SEC63: variants seen among roughly 807,000 people sequenced by gnomAD.
SEC63 encodes the protein SEC63 protein translocation regulator.
Under a neutral mutation model 116.2 loss-of-function variants are expected in SEC63, and 56 were observed. That is an observed-to-expected ratio of 0.48 (90% CI 0.39 to 0.60). The LOEUF (loss-of-function observed/expected upper bound fraction) is 0.60, where lower values mean the gene tolerates loss of function less well. Among genes scored for constraint, SEC63 ranks in the 20% least tolerant of loss-of-function variants. The pLI, the probability that SEC63 is intolerant of heterozygous loss-of-function variation, is 0.00. For synonymous variants in SEC63, 273 were observed against 294.6 expected, an observed-to-expected ratio of 0.93 and a Z score of 0.75; for missense variants, 668 against 900.0, an observed-to-expected ratio of 0.74 and a Z score of 3.30.
chr6:107,932,924 T>C (rs1243389762), intron 1 of SEC63, among the ~76,000 whole-genome samples: 1 of 151,498 alleles, frequency 6.6e-6, no homozygotes, highest in African/African-American at 2.4e-5. Context: ...TGAATAACTG[T>C]CCCCCAAGAT....
At chr6:107,921,937 GCTTT>G (rs1787567942) in intron 3 of SEC63, 28 bp from the exon 4 acceptor site, 3 of 1,295,040 alleles carry the variant, frequency 2.3e-6, no homozygotes, top group African/African-American at 1.5e-5. Flanking sequence ...AAAAAAACAA[GCTTT>G]CTGTTAGCAA....
intron 6 of SEC63, 113 bp from the exon 7 acceptor site, chr6:107,911,509 G>A: frequency 1.4e-6 from 1 of 739,364 alleles, no homozygotes; most frequent in Admixed American, 2.0e-5. Context: ...GATTCCTCAT[G>A]TATTATCTTG....
chr6:107,878,902 A>G (rs1048867163), intron 18 of SEC63, among the ~76,000 whole-genome samples: 3 of 152,214 alleles, frequency 2.0e-5, no homozygotes, highest in African/African-American at 7.2e-5. Context: ...ATATCAATCA[A>G]CAGCACTACA....
chr6:107,894,677 T>A (rs1407192944), intron 14 of SEC63, among the ~76,000 whole-genome samples: 2 of 152,126 alleles, frequency 1.3e-5, no homozygotes, highest in Non-Finnish European at 2.9e-5. Context: ...CTAGAATTAT[T>A]AAAGCTAACA....
At chr6:107,922,981 G>T (rs1351076772) in intron 3 of SEC63, among the ~76,000 whole-genome samples, 1 of 150,276 alleles carries the variant, frequency 6.7e-6, no homozygotes, top group Non-Finnish European at 1.5e-5. Context: ...AAATTATCCA[G>T]GCCTCATTTT....
At chr6:107,947,161 A>C (rs1770495630) in intron 1 of SEC63, among the ~76,000 whole-genome samples, 1 of 151,906 alleles carries the variant, frequency 6.6e-6, no homozygotes, top group Admixed American at 6.6e-5. Context: ...CTAGCTGGGT[A>C]TGATGGCGCA....
At chr6:107,931,701 C>G (rs1787814070) in intron 1 of SEC63, 1 of 151,508 alleles carries the variant, frequency 6.6e-6, no homozygotes, top group African/African-American at 2.4e-5. Flanking sequence ...GAGCCGAGAT[C>G]ACGCCACTGC....
At chr6:107,876,265 A>C (rs920563095) in intron 19 of SEC63, among the ~76,000 whole-genome samples, 3 of 152,214 alleles carry the variant, frequency 2.0e-5, no homozygotes, top group African/African-American at 7.2e-5. Flanking sequence ...CAAAAATTCT[A>C]TCACTAAATT....
At chr6:107,894,988 A>C (rs1786780184) in intron 14 of SEC63, among the ~76,000 whole-genome samples, 2 of 152,116 alleles carry the variant, frequency 1.3e-5, no homozygotes, top group Non-Finnish European at 2.9e-5. Context: ...ATAAAACCTA[A>C]AATATTTACT....
chr6:107,917,681 A>G (rs1349190216), intron 4 of SEC63, among the ~76,000 whole-genome samples: 1 of 152,234 alleles, frequency 6.6e-6, no homozygotes, highest in African/African-American at 2.4e-5. Flanking sequence ...AGAATGTTTC[A>G]GTGGTCTCGA....
intron 3 of SEC63, among the ~76,000 whole-genome samples, chr6:107,923,009 T>A (rs1000005989): frequency 7.9e-5 from 12 of 151,232 alleles, no homozygotes; most frequent in Middle Eastern, 3.4e-3. Flanking sequence ...AAAAAAAAAA[T>A]TAATAAATAG....
At chr6:107,957,237 C>T in intron 1 of SEC63, 1 of 152,192 alleles carries the variant, frequency 6.6e-6, no homozygotes, top group Non-Finnish European at 1.5e-5. Flanking sequence ...CTTTTTCCGT[C>T]ACAAACAGGA....
Position 107,911,483 on chromosome 6 carries a change from G to A in SEC63, c.574-87C>T. On this transcript the variant is annotated intron_variant, in intron 6 of 20. Transcript: ENST00000369002. ...ATTTATTTTGAGGCTTACAATGGGGGAGCCACTATTAAAAGGATTCCTCAT... is the reference window on the plus strand; with the variant it reads ...ATTTATTTTGAGGCTTACAATGGGGAAGCCACTATTAAAAGGATTCCTCAT... 5 of 858,422 alleles carry A rather than the reference G, an allele frequency of 5.8e-6. No homozygotes were observed. In the East Asian group the frequency reaches 7.4e-5, roughly 13 times the overall value. 53.2% of individuals were successfully genotyped at this position (858,422 alleles called of 1,614,324 possible). A position where few individuals can be genotyped will look rare whatever the true frequency, so the allele number is the denominator to read the frequency against.
At chr6:107,935,489 A>AC (rs1386736538) in intron 1 of SEC63, among the ~76,000 whole-genome samples, 42 of 149,686 alleles carry the variant, frequency 2.8e-4, no homozygotes, top group African/African-American at 1.0e-3. Flanking sequence ...CGGTGACCTT[A>AC]CCCCCAACCC....
At chr6:107,873,950 T>C (rs568532685) in intron 19 of SEC63, among the ~76,000 whole-genome samples, 20 of 152,182 alleles carry the variant, frequency 1.3e-4, no homozygotes, top group African/African-American at 4.8e-4. Flanking sequence ...TAAAAATTGA[T>C]TCAGAAAAGA....
At chr6:107,936,503 A>C (rs1770249448) in intron 1 of SEC63, among the ~76,000 whole-genome samples, 1 of 151,470 alleles carries the variant, frequency 6.6e-6, no homozygotes, top group Non-Finnish European at 1.5e-5. Context: ...TACTATTTTC[A>C]TGGGCACTAA....
chr6:107,931,878 G>A (rs78014495), intron 1 of SEC63: 1,805 of 152,528 alleles, frequency 0.012, 32 homozygotes, highest in African/African-American at 0.04. Context: ...AGAACAAGAA[G>A]GCAGTGCTGA....
chr6:107,913,665 A>G (rs1429745756), intron 4 of SEC63, among the ~76,000 whole-genome samples: 4 of 152,164 alleles, frequency 2.6e-5, no homozygotes, highest in Non-Finnish European at 5.9e-5. Context: ...ATGGTTCTCA[A>G]GCTTAACCAG....
intron 17 of SEC63, 83 bp downstream of exon 17, chr6:107,882,905 A>C (rs189665852): frequency 1.1e-6 from 1 of 911,574 alleles, no homozygotes; most frequent in East Asian, 2.5e-5. Flanking sequence ...CAAGCAAACA[A>C]ATGAACAACA....
Sources: allele counts gnomAD v4.1 joint callset (sites outside exome capture counted in the v4.1 genomes callset), GRCh38; gene constraint gnomAD v4.1.1; transcripts MANE v1.5; gene names NCBI Gene and HGNC (gene_info 2026-07-23, HGNC 2026-07-21).